KAZN: variants seen among roughly 807,000 people sequenced by gnomAD.
The protein encoded by KAZN is kazrin, periplakin interacting protein.
A neutral mutation model predicts 87.4 loss-of-function variants in KAZN; 40 were observed. The observed-to-expected ratio is 0.46, with a 90% CI of 0.36 to 0.60. The LOEUF (loss-of-function observed/expected upper bound fraction) is 0.60. KAZN is among the 20% of genes least tolerant of loss of function. The probability of loss-of-function intolerance (pLI) is 0.00; values close to 1 mark genes in which losing one functional copy is unlikely to be tolerated. For synonymous variants in KAZN, 466 were observed against 458.3 expected (o/e 1.02, Z -0.22); for missense variants, 898 against 1,073.9 (o/e 0.84, Z 2.29).
At chr1:15,044,304 C>T (rs557648072) in intron 4 of KAZN, 145 bp downstream of exon 4, 6 of 818,382 alleles carry the variant, frequency 7.3e-6, no homozygotes, top group African/African-American at 6.9e-5. Flanking sequence ...CAGGGCCCGC[C>T]GCGGGAGGGG....
intron 1 of KAZN, among the ~76,000 whole-genome samples, chr1:14,091,554 A>G (rs1195281168): frequency 6.6e-6 from 1 of 152,212 alleles, no homozygotes; most frequent in Non-Finnish European, 1.5e-5. Flanking sequence ...GCATAGCTAA[A>G]GGTAAAAACA....
chr1:14,392,570 G>A (rs1052684264), intron 2 of KAZN, among the ~76,000 whole-genome samples: 1 of 152,092 alleles, frequency 6.6e-6, no homozygotes, highest in Non-Finnish European at 1.5e-5. Context: ...CATGATTTCT[G>A]AGCCATGGCT....
At chr1:14,507,589 A>G (rs1191547343) in intron 2 of KAZN, among the ~76,000 whole-genome samples, 1 of 152,170 alleles carries the variant, frequency 6.6e-6, no homozygotes, top group African/African-American at 2.4e-5. Flanking sequence ...GAGTGCATAT[A>G]AGATTTTGGC....
chr1:14,547,638 A>G (rs147629759), intron 2 of KAZN, among the ~76,000 whole-genome samples: 2,622 of 152,274 alleles, frequency 0.017, 74 homozygotes, highest in African/African-American at 0.06. Context: ...GCTGGAGTGC[A>G]GTGATGCAGT....
rs61286021 is a variant in KAZN at position 15,021,729 on chromosome 1, G to C, written c.419-13020G>C. ...GGCTCCCTGCAGTCCCTCTTATGAC[G>C]GACACTCTGTCTGCAGGTTTCGGTC... On this transcript the variant is annotated intron_variant, in intron 2 of 14. Coordinates refer to ENST00000376030, the MANE Select transcript of KAZN (RefSeq NM_201628.3). The surrounding 1 kb of genome is among the most constrained non-coding windows in gnomAD (Gnocchi z 4.2). Among the ~76,000 whole-genome samples, 1 of 152,102 alleles carries C rather than the reference G, an allele frequency of 6.6e-6. No individual in the cohort carries two copies. Among genetic ancestry groups the C allele is most frequent in the Non-Finnish European group, 1.5e-5 (1 of 68,022 alleles).
At chr1:14,837,559 T>TA (rs1368016978) in intron 1 of KAZN, among the ~76,000 whole-genome samples, 75 of 147,806 alleles carry the variant, frequency 5.1e-4, no homozygotes, top group African/African-American at 1.9e-3. Context: ...AATTTTTTTT[T>TA]TTTTTTTTTT....
intron 1 of KAZN, among the ~76,000 whole-genome samples, chr1:14,876,168 C>A (rs1652747385): frequency 1.3e-5 from 2 of 152,202 alleles, no homozygotes; most frequent in Non-Finnish European, 2.9e-5. Context: ...AGGTGAGAAA[C>A]AATAGATGAG....
intron 2 of KAZN, among the ~76,000 whole-genome samples, chr1:14,473,999 A>G (rs1668591072): frequency 6.6e-6 from 1 of 152,200 alleles, no homozygotes; most frequent in Non-Finnish European, 1.5e-5. Context: ...ATTTATTTAT[A>G]GAAATTGCTA....
intron 1 of KAZN, among the ~76,000 whole-genome samples, chr1:14,656,815 G>C (rs76747292): frequency 0.048 from 7,301 of 152,310 alleles, 250 homozygotes; most frequent in Middle Eastern, 0.078. Context: ...CACCAGGCCT[G>C]TCTTCCAACA....
rs1557813765 is a variant in KAZN, at chr1:14,580,507, TAA to T, written c.250-18474_250-18473del. On this transcript the variant is annotated intron_variant, in intron 2 of 16. Transcript: ENST00000636203. Reference sequence around the variant, plus strand: ...ATAAATAAATAAATAAATAAATAAATAAATAAATAAAGTATATTAATAGCGCA... The same window carrying T: ...ATAAATAAATAAATAAATAAATAAATATAAATAAAGTATATTAATAGCGCA... Among the ~76,000 whole-genome samples, 820 of 143,818 alleles carry T rather than the reference TAA, an allele frequency of 5.7e-3. 9 individuals carry two copies. Among genetic ancestry groups the T allele is most frequent in the African/African-American group, 0.02 (786 of 39,120 alleles). The allele number at this position is 143,818 out of a possible 152,430, so 94.4% of individuals were successfully genotyped here. A position where few individuals can be genotyped will look rare whatever the true frequency, so the allele number is the denominator to read the frequency against.
chr1:14,427,180 G>A (rs1213668998), intron 2 of KAZN, among the ~76,000 whole-genome samples: 1 of 152,192 alleles, frequency 6.6e-6, no homozygotes, highest in African/African-American at 2.4e-5. Flanking sequence ...TTCAGGGTAG[G>A]ACCTCAAATG....
intron 2 of KAZN, among the ~76,000 whole-genome samples, chr1:14,200,724 T>C (rs531300092): frequency 9.2e-5 from 14 of 152,324 alleles, no homozygotes; most frequent in Admixed American, 2.6e-4. Flanking sequence ...TATATTGTTT[T>C]TACTGAATTT....
At chr1:13,955,899 G>A (rs1206781644) in intron 1 of KAZN, among the ~76,000 whole-genome samples, 12 of 152,158 alleles carry the variant, frequency 7.9e-5, no homozygotes, top group Admixed American at 7.9e-4. Flanking sequence ...TTCTCCAGAG[G>A]GTTACAGCCT....
At chr1:14,346,634 G>T (rs1021630947) in intron 2 of KAZN, among the ~76,000 whole-genome samples, 2 of 152,050 alleles carry the variant, frequency 1.3e-5, no homozygotes, top group African/African-American at 4.8e-5. Flanking sequence ...ATCAGAGCAG[G>T]GTACTTAGAT....
At chr1:14,566,569 T>C (rs1224556252) in intron 2 of KAZN, among the ~76,000 whole-genome samples, 1 of 152,220 alleles carries the variant, frequency 6.6e-6, no homozygotes, top group Non-Finnish European at 1.5e-5. Context: ...TACCCACTTA[T>C]GAAAATCCTA....
At chr1:14,783,940 T>C (rs1463057745) in intron 1 of KAZN, among the ~76,000 whole-genome samples, 1 of 152,146 alleles carries the variant, frequency 6.6e-6, no homozygotes, top group Admixed American at 6.5e-5. Context: ...GTGCCAAAAG[T>C]TGGGGTCCTC....
At chr1:15,089,139 T>C (rs151270202) in intron 8 of KAZN, among the ~76,000 whole-genome samples, 84 of 152,212 alleles carry the variant, frequency 5.5e-4, no homozygotes, top group African/African-American at 1.8e-3. Context: ...CTGGACACCC[T>C]TTCTCTCCCC....
At chr1:14,626,154 C>G (rs1256898909) in intron 1 of KAZN, among the ~76,000 whole-genome samples, 1 of 152,224 alleles carries the variant, frequency 6.6e-6, no homozygotes, top group Non-Finnish European at 1.5e-5. Flanking sequence ...TTGCAAGCGT[C>G]ATTAGAGGCC....
intron 1 of KAZN, among the ~76,000 whole-genome samples, chr1:14,118,840 G>A (rs1450222768): frequency 6.6e-6 from 1 of 152,156 alleles, no homozygotes; most frequent in African/African-American, 2.4e-5. Flanking sequence ...CTGGAATTGG[G>A]TTGTCTGCTG....
Sources: allele counts gnomAD v4.1 joint callset (sites outside exome capture counted in the v4.1 genomes callset), GRCh38; gene constraint gnomAD v4.1.1; non-coding constraint Gnocchi (gnomAD v3.1); transcripts MANE v1.5; gene names NCBI Gene and HGNC (gene_info 2026-07-23, HGNC 2026-07-21).